R3HCC1L: variants seen among roughly 807,000 people sequenced by gnomAD.
R3HCC1L encodes the protein coiled-coil domain-containing protein R3HCC1L.
In R3HCC1L, 51 loss-of-function variants were observed where a neutral mutation model predicts 59.9. The ratio of observed to expected loss-of-function variants is 0.85; its 90% CI spans 0.68 to 1.07. The LOEUF is 1.07. Among genes scored for constraint, R3HCC1L ranks in the 50% least tolerant of loss-of-function variants. The probability of loss-of-function intolerance (pLI) is 0.00; values close to 1 mark genes in which losing one functional copy is unlikely to be tolerated. For synonymous variants in R3HCC1L, 322 were observed against 315.2 expected, an observed-to-expected ratio of 1.02 and a Z score of -0.23; for missense variants, 965 against 933.0, an observed-to-expected ratio of 1.03 and a Z score of -0.45.
At chr10:98,187,466 C>T (rs975649826) in intron 4 of R3HCC1L, among the ~76,000 whole-genome samples, 1 of 151,932 alleles carries the variant, frequency 6.6e-6, no homozygotes, top group Admixed American at 6.6e-5. Context: ...TACATATTTC[C>T]CATCTGTAAA....
chr10:98,224,983 A>G (rs1855503196), intron 5 of R3HCC1L, among the ~76,000 whole-genome samples: 1 of 152,234 alleles, frequency 6.6e-6, no homozygotes, highest in South Asian at 2.1e-4. Flanking sequence ...AACAGGTAAA[A>G]TTAATAATAT....
intron 4 of R3HCC1L, among the ~76,000 whole-genome samples, chr10:98,203,029 A>T (rs1015609395): frequency 1.3e-5 from 2 of 152,176 alleles, no homozygotes; most frequent in African/African-American, 4.8e-5. Flanking sequence ...GAAATATTCT[A>T]TAAAGGACAT....
At chr10:98,230,569 T>A (rs1856254349) in intron 5 of R3HCC1L, among the ~76,000 whole-genome samples, 1 of 152,222 alleles carries the variant, frequency 6.6e-6, no homozygotes, top group Admixed American at 6.5e-5. Context: ...TTTGTGTCTC[T>A]GTCTCCTTCA....
chr10:98,194,223 A>G (rs1398030253), intron 4 of R3HCC1L, among the ~76,000 whole-genome samples: 1 of 152,154 alleles, frequency 6.6e-6, no homozygotes, highest in Non-Finnish European at 1.5e-5. Flanking sequence ...AGACTACACA[A>G]TGGAAAAAAG....
intron 1 of R3HCC1L, among the ~76,000 whole-genome samples, chr10:98,140,060 A>G (rs1458115356): frequency 6.6e-6 from 1 of 152,068 alleles, no homozygotes; most frequent in African/African-American, 2.4e-5. Flanking sequence ...TAATGTGGGC[A>G]AAAGGTGTGT....
chr10:98,223,816 T>C (rs531658039), intron 5 of R3HCC1L, among the ~76,000 whole-genome samples: 10 of 152,250 alleles, frequency 6.6e-5, no homozygotes, highest in African/African-American at 2.4e-4. Context: ...CCAAAGGTAG[T>C]GAGTCTGGAC....
intron 8 of R3HCC1L, 51 bp from the exon 9 acceptor site, chr10:98,235,972 GA>G: frequency 1.9e-6 from 3 of 1,550,662 alleles, no homozygotes; most frequent in Non-Finnish European, 2.7e-6. Context: ...CTTGAAGCTA[GA>G]GTGCTCTCTC....
At chr10:98,177,062 G>T (rs1474118073) in intron 4 of R3HCC1L, among the ~76,000 whole-genome samples, 1 of 151,892 alleles carries the variant, frequency 6.6e-6, no homozygotes, top group East Asian at 1.9e-4. Context: ...TTAAGTTCTA[G>T]GGTACATGTG....
rs1856419790 is a variant in R3HCC1L, at chr10:98,231,710, A to G, written c.1961+23A>G. On this transcript the variant is annotated intron_variant, in intron 6 of 9. Transcript: ENST00000298999. ...TCAGTGAGTATGCAAATGATTGTGG[A>G]TGTTAGGGAGGGTGAGATGAAGTCT... 8 of 1,557,100 alleles carry G rather than the reference A, an allele frequency of 5.1e-6. No homozygotes were observed. In the South Asian group the frequency reaches 8.3e-5, roughly 16 times the overall value.
At chr10:98,205,347 T>A (rs929071469) in intron 4 of R3HCC1L, among the ~76,000 whole-genome samples, 2 of 152,236 alleles carry the variant, frequency 1.3e-5, no homozygotes, top group Non-Finnish European at 2.9e-5. Flanking sequence ...ATGTTTACGC[T>A]ACAGAGATTG....
At chr10:98,140,861 T>A (rs1415784664) in intron 1 of R3HCC1L, among the ~76,000 whole-genome samples, 5 of 152,104 alleles carry the variant, frequency 3.3e-5, no homozygotes, top group Non-Finnish European at 5.9e-5. Flanking sequence ...AACACATTTT[T>A]AAAAAAATTA....
chr10:98,144,991 A>G lies in R3HCC1L; in HGVS notation c.-268+10285A>G, dbSNP rs139226580. 3.0e-4 allele frequency among the ~76,000 whole-genome samples: 46 copies of G among 152,364 alleles called. 1 individual carries two copies. The highest frequency in any genetic ancestry group is 2.9e-3 in the Admixed American group (45 of 15,310). ...CAAGTGATCTTAACAGTACTCCACA[A>G]ATAGAATGATTTTTACTGATGAGTA... On this transcript the variant is annotated intron_variant, in intron 1 of 9. Transcript: ENST00000298999.
At chr10:98,182,710 G>A (rs886503294) in intron 4 of R3HCC1L, among the ~76,000 whole-genome samples, 2 of 152,074 alleles carry the variant, frequency 1.3e-5, no homozygotes, top group Admixed American at 6.5e-5. Flanking sequence ...TGAACTTCCC[G>A]GCCGCTTTGT....
chr10:98,204,914 A>G (rs1852468906), intron 4 of R3HCC1L, among the ~76,000 whole-genome samples: 2 of 152,256 alleles, frequency 1.3e-5, no homozygotes, highest in East Asian at 1.9e-4. Flanking sequence ...TCTGCCGCAG[A>G]TAAGAGTGGG....
chr10:98,208,364 GAAGAA>G lies in R3HCC1L; in HGVS notation c.257_261del (p.Lys86IlefsTer16), dbSNP rs1409183986. On this transcript the variant is annotated frameshift_variant, in exon 5 of 10. Coordinates refer to ENST00000298999, the MANE Select transcript of R3HCC1L (RefSeq NM_001351015.2). LOFTEE classifies it high-confidence loss of function. ...TGATAGAAAGGAGCATAATTGTAGA[GAAGAA>G]AAGAAATCTTCAACAAAATTAAGAA... 6.2e-6 allele frequency: 10 copies of G among 1,614,004 alleles called. No individual in the cohort carries two copies. The highest frequency in any genetic ancestry group is 2.7e-5 in the African/African-American group (2 of 75,010).
chr10:98,209,471 T>A lies in R3HCC1L; in HGVS notation c.1357T>A (p.Ser453Thr). 1 of 1,613,720 alleles carries A rather than the reference T, an allele frequency of 6.2e-7. No individual in the cohort carries two copies. The highest frequency in any genetic ancestry group is 8.5e-7 in the Non-Finnish European group (1 of 1,179,976). Residue 453 changes from serine to threonine, a missense_variant, in exon 5 of 10, where the codon TCT (serine) becomes ACT (threonine). Physicochemically the swap from Ser to Thr is moderately conservative, Grantham distance 58. Transcript: ENST00000298999. ...AGATATTTATGGTGAGAGTATTTCA[T>A]CTCATTTTACAGAGTCAACAGGAAA... ...CSDIYGESIS[S>T]HFTESTGKLI...
intron 5 of R3HCC1L, among the ~76,000 whole-genome samples, chr10:98,228,068 A>G (rs1254640032): frequency 2.0e-5 from 3 of 152,218 alleles, no homozygotes; most frequent in African/African-American, 7.2e-5. Context: ...TTATAGCAGC[A>G]TGATTTATAA....
At chr10:98,143,513 A>G (rs1845374949) in intron 1 of R3HCC1L, among the ~76,000 whole-genome samples, 1 of 152,000 alleles carries the variant, frequency 6.6e-6, no homozygotes, top group South Asian at 2.1e-4. Context: ...TTGCCATAGT[A>G]TTTCTTTTTT....
intron 1 of R3HCC1L, among the ~76,000 whole-genome samples, chr10:98,136,039 G>A (rs1478936951): frequency 2.1e-5 from 3 of 143,834 alleles, no homozygotes; most frequent in African/African-American, 7.8e-5. Flanking sequence ...TTTTTGGGTA[G>A]AATCAGGATT....
Sources: allele counts gnomAD v4.1 joint callset (sites outside exome capture counted in the v4.1 genomes callset), GRCh38; gene constraint gnomAD v4.1.1; transcripts MANE v1.5; gene names NCBI Gene and HGNC (gene_info 2026-07-23, HGNC 2026-07-21).